ANXA8: variants seen among roughly 807,000 people sequenced by gnomAD.
The protein encoded by ANXA8 is annexin A8.
A neutral mutation model predicts 26.8 loss-of-function variants in ANXA8; 9 were observed. That is an observed-to-expected ratio of 0.34 (90% CI 0.20 to 0.59). The LOEUF (loss-of-function observed/expected upper bound fraction) is 0.59. Ranked by LOEUF, ANXA8 falls within the 20% of genes least tolerant of loss-of-function variation. The probability of loss-of-function intolerance (pLI) is 0.84; values close to 1 mark genes in which losing one functional copy is unlikely to be tolerated. For synonymous variants in ANXA8, 39 were observed against 94.8 expected (o/e 0.41, Z 3.42); for missense variants, 83 against 238.5 (o/e 0.35, Z 4.29).
chr10:47,717,496 A>T, the ANXA8 span, among the ~76,000 whole-genome samples: 1 of 112,534 alleles, frequency 8.9e-6, no homozygotes, highest in Non-Finnish European at 1.7e-5. Flanking sequence ...CCAGAGGGGG[A>T]TGAGGCTAGG....
the ANXA8 span, among the ~76,000 whole-genome samples, chr10:47,670,305 T>C: frequency 4.6e-4 from 70 of 152,040 alleles, no homozygotes; most frequent in East Asian, 0.013. Context: ...CTATTGTAAA[T>C]AGTGCTGTTA....
At chr10:47,744,414 G>GGGGGGGGGTTGGGGGGGGAGGGGGGAA in the ANXA8 span, among the ~76,000 whole-genome samples, 3 of 42,974 alleles carry the variant, frequency 7.0e-5, no homozygotes, top group African/African-American at 2.8e-4. Flanking sequence ...CTCCTGGTGG[G>GGGGGGGGGTTGGGGGGGGAGGGGGGAA]GGGGGGGTTG....
At chr10:47,944,467 C>A in the ANXA8 span, among the ~76,000 whole-genome samples, 1 of 149,922 alleles carries the variant, frequency 6.7e-6, no homozygotes, top group Non-Finnish European at 1.5e-5. Context: ...CTGAAAGGGC[C>A]CATCTAATCT....
chr10:47,616,720 G>A, the ANXA8 span, among the ~76,000 whole-genome samples: 1 of 74,164 alleles, frequency 1.3e-5, no homozygotes, highest in African/African-American at 3.8e-5. Flanking sequence ...TTTCCTTCTT[G>A]AAATTGCTCC....
At chr10:47,755,260 CTT>C in the ANXA8 span, among the ~76,000 whole-genome samples, 2 of 140,142 alleles carry the variant, frequency 1.4e-5, no homozygotes, top group Non-Finnish European at 1.6e-5. Flanking sequence ...CAGCCAACCT[CTT>C]TTTTTTTTTT....
the ANXA8 span, among the ~76,000 whole-genome samples, chr10:47,673,646 T>C: frequency 6.6e-6 from 1 of 151,848 alleles, no homozygotes; most frequent in Non-Finnish European, 1.5e-5. Context: ...GAGATAGAGT[T>C]CCTACAGCTT....
At chr10:47,487,257 C>T (rs1840064757), upstream of ANXA8, 2 of 1,266,912 alleles carry the variant, frequency 1.6e-6, no homozygotes, top group Admixed American at 4.7e-5. Flanking sequence ...TGGGGAAGGG[C>T]CGTGGTAGCA....
chr10:47,960,444 A>G, the ANXA8 span, among the ~76,000 whole-genome samples: 1 of 147,988 alleles, frequency 6.8e-6, no homozygotes, highest in Non-Finnish European at 1.5e-5. Flanking sequence ...GGACAGAAGG[A>G]GGGAGCCAGC....
the ANXA8 span, chr10:47,565,072 C>T: frequency 3.0e-5 from 23 of 766,856 alleles, no homozygotes; most frequent in East Asian, 3.0e-4. Flanking sequence ...CCTCCGAAGA[C>T]GCCTACAGGT....
chr10:47,954,335 A>G, the ANXA8 span, among the ~76,000 whole-genome samples: 1 of 151,202 alleles, frequency 6.6e-6, no homozygotes, highest in African/African-American at 2.4e-5. Context: ...GTGGGAGCTA[A>G]AAATTAAAAA....
At chr10:47,687,082 T>TGA in the ANXA8 span, among the ~76,000 whole-genome samples, 5 of 150,186 alleles carry the variant, frequency 3.3e-5, no homozygotes, top group South Asian at 2.1e-4. Context: ...CCAGCCTGGG[T>TGA]GAGAGAGAGA....
chr10:47,624,360 C>A, the ANXA8 span, among the ~76,000 whole-genome samples: 1 of 124,250 alleles, frequency 8.0e-6, no homozygotes, highest in Non-Finnish European at 1.8e-5. Flanking sequence ...TGTAATGATA[C>A]TTCAAAAGGT....
At chr10:47,660,690 T>C in the ANXA8 span, among the ~76,000 whole-genome samples, 22 of 151,640 alleles carry the variant, frequency 1.5e-4, no homozygotes, top group African/African-American at 4.6e-4. Context: ...CGTGAGCCAC[T>C]GAACCTGGCC....
At chr10:47,940,506 G>T in the ANXA8 span, among the ~76,000 whole-genome samples, 269 of 146,092 alleles carry the variant, frequency 1.8e-3, 8 homozygotes, top group African/African-American at 6.5e-3. Context: ...TTAGGGCCTA[G>T]GGGAATGGGG....
chr10:47,977,545 G>T, the ANXA8 span, among the ~76,000 whole-genome samples: 3 of 151,206 alleles, frequency 2.0e-5, no homozygotes, highest in African/African-American at 7.3e-5. Flanking sequence ...AACAACTAAA[G>T]GAAAACATGT....
the ANXA8 span, among the ~76,000 whole-genome samples, chr10:47,656,273 C>T: frequency 1.3e-5 from 2 of 151,450 alleles, 1 homozygote; most frequent in Non-Finnish European, 2.9e-5. Context: ...TGGCATGCAC[C>T]TGTAGTCCCA....
chr10:47,596,753 A>G, the ANXA8 span, among the ~76,000 whole-genome samples: 2 of 147,822 alleles, frequency 1.4e-5, no homozygotes, highest in African/African-American at 2.6e-5. Flanking sequence ...CAGACCAACA[A>G]TGAATTACAG....
chr10:47,715,184 A>C, the ANXA8 span, among the ~76,000 whole-genome samples: 9 of 14,744 alleles, frequency 6.1e-4, no homozygotes, highest in African/African-American at 2.4e-3. Context: ...GCGGAGGCTT[A>C]TGCCTGTAAT....
chr10:47,484,976 C>T (rs1335358945), upstream of ANXA8, among the ~76,000 whole-genome samples: 1 of 148,096 alleles, frequency 6.8e-6, no homozygotes, highest in African/African-American at 2.5e-5. Flanking sequence ...ACCCGCTCAT[C>T]CTGGAGCCGC....
Sources: allele counts gnomAD v4.1 joint callset (sites outside exome capture counted in the v4.1 genomes callset), GRCh38; gene constraint gnomAD v4.1.1; transcripts MANE v1.5; gene names NCBI Gene and HGNC (gene_info 2026-07-23, HGNC 2026-07-21).